Variants in DPP6 observed in about 807,000 individuals in gnomAD.
The protein encoded by DPP6 is A-type potassium channel modulatory protein DPP6.
Under a neutral mutation model 122.6 loss-of-function variants are expected in DPP6, and 69 were observed. That is an observed-to-expected ratio of 0.56 (90% CI 0.46 to 0.69). The LOEUF (loss-of-function observed/expected upper bound fraction) is 0.69, where lower values mean the gene tolerates loss of function less well. Ranked by LOEUF, DPP6 falls within the 30% of genes least tolerant of loss-of-function variation. The pLI, the probability that DPP6 is intolerant of heterozygous loss-of-function variation, is 0.00. For missense variants in DPP6, 928 were observed against 1,116.9 expected (o/e 0.83, Z 2.41); for synonymous variants, 418 against 433.1 (o/e 0.97, Z 0.43).
chr7:154,867,787 C>G (rs1004019049), intron 17 of DPP6, among the ~76,000 whole-genome samples: 1 of 152,154 alleles, frequency 6.6e-6, no homozygotes, highest in African/African-American at 2.4e-5. Flanking sequence ...TTAATCCACC[C>G]AAATTCCAGA....
chr7:154,138,373 A>G (rs1795683922), intron 1 of DPP6, among the ~76,000 whole-genome samples: 1 of 152,208 alleles, frequency 6.6e-6, no homozygotes, highest in South Asian at 2.1e-4. Flanking sequence ...TCTGGGATGA[A>G]GACATTATTT....
chr7:154,884,867 A>G (rs1180351029), intron 21 of DPP6: 1 of 152,356 alleles, frequency 6.6e-6, no homozygotes, highest in Non-Finnish European at 1.5e-5. Context: ...ACACCCATGC[A>G]CATGTTCACA....
chr7:154,829,862 C>T (rs1323016971), intron 16 of DPP6, among the ~76,000 whole-genome samples: 1 of 152,116 alleles, frequency 6.6e-6, no homozygotes, highest in African/African-American at 2.4e-5. Flanking sequence ...AATCTAGGGC[C>T]CTCCACAATT....
At chr7:154,065,595 A>C (rs1222272914) in intron 1 of DPP6, among the ~76,000 whole-genome samples, 1 of 151,856 alleles carries the variant, frequency 6.6e-6, no homozygotes, top group African/African-American at 2.4e-5. Flanking sequence ...TGGCCTTAGT[A>C]CCCCCGCCCC....
At chr7:154,091,752 G>C (rs2150550988) in intron 1 of DPP6, among the ~76,000 whole-genome samples, 1 of 152,190 alleles carries the variant, frequency 6.6e-6, no homozygotes, top group East Asian at 1.9e-4. Flanking sequence ...CGGTGTCACT[G>C]CCTCTGCTGA....
At chr7:153,958,309 A>C (rs1167092470) in intron 1 of DPP6, among the ~76,000 whole-genome samples, 1 of 152,118 alleles carries the variant, frequency 6.6e-6, no homozygotes, top group Non-Finnish European at 1.5e-5. Context: ...TGTCATCTTC[A>C]CAGTATTTTT....
chr7:154,675,555 T>G (rs933054594), intron 7 of DPP6, among the ~76,000 whole-genome samples: 3 of 152,184 alleles, frequency 2.0e-5, no homozygotes, highest in African/African-American at 7.2e-5. Context: ...GGTCCTGCCG[T>G]GCATGTACTT....
At chr7:154,421,315 C>CT (rs35388071) in intron 1 of DPP6, among the ~76,000 whole-genome samples, 6,664 of 140,778 alleles carry the variant, frequency 0.047, 519 homozygotes, top group African/African-American at 0.16. Flanking sequence ...ATGTCAGTTT[C>CT]TTTTTTTTTT....
At chr7:153,818,871 C>T in the DPP6 span, among the ~76,000 whole-genome samples, 4 of 151,836 alleles carry the variant, frequency 2.6e-5, no homozygotes, top group Admixed American at 6.6e-5. Flanking sequence ...CCTGCCTCAG[C>T]CTCCCAAGTA....
intron 1 of DPP6, among the ~76,000 whole-genome samples, chr7:154,410,889 T>C (rs1816539393): frequency 6.6e-6 from 1 of 152,188 alleles, no homozygotes; most frequent in African/African-American, 2.4e-5. Flanking sequence ...CAGTTCTTTA[T>C]AAAGAAAAAA....
chr7:154,054,352 A>G (rs967678065), intron 1 of DPP6, among the ~76,000 whole-genome samples: 1 of 152,094 alleles, frequency 6.6e-6, no homozygotes, highest in African/African-American at 2.4e-5. Context: ...CCCAGGGACA[A>G]TTCCTAATTG....
chr7:153,891,243 C>G (rs776788446), intron 1 of DPP6, among the ~76,000 whole-genome samples: 3 of 149,244 alleles, frequency 2.0e-5, no homozygotes, highest in Middle Eastern at 3.8e-3. Context: ...AGGATGGTCT[C>G]GATCTCTTGA....
chr7:153,876,266 A>G, the DPP6 span, among the ~76,000 whole-genome samples: 1 of 152,100 alleles, frequency 6.6e-6, no homozygotes, highest in South Asian at 2.1e-4. Flanking sequence ...AGGATGTAGT[A>G]GATTTGAAAA....
At chr7:154,782,422 T>G (rs1434111761) in intron 10 of DPP6, among the ~76,000 whole-genome samples, 2 of 152,210 alleles carry the variant, frequency 1.3e-5, no homozygotes, top group Admixed American at 1.3e-4. Context: ...AGCTCCAGCC[T>G]TATGTTAAAA....
At chr7:154,519,835 T>C (rs1826826814) in intron 3 of DPP6, among the ~76,000 whole-genome samples, 1 of 152,214 alleles carries the variant, frequency 6.6e-6, no homozygotes, top group Non-Finnish European at 1.5e-5. Flanking sequence ...GGTGAATGTG[T>C]GGTCAAAAGG....
At chr7:154,367,343 G>C (rs573645127) in intron 1 of DPP6, among the ~76,000 whole-genome samples, 1 of 152,302 alleles carries the variant, frequency 6.6e-6, no homozygotes, top group East Asian at 1.9e-4. Context: ...CATGTTTTGA[G>C]TTAGTGTAAT....
At chr7:154,176,761 G>A (rs574299972) in intron 1 of DPP6, among the ~76,000 whole-genome samples, 10 of 152,362 alleles carry the variant, frequency 6.6e-5, no homozygotes, top group South Asian at 4.1e-4. Flanking sequence ...AGCAGGCAGC[G>A]CGTGCCTGGG....
At chr7:154,706,598 C>T (rs988299462) in intron 7 of DPP6, among the ~76,000 whole-genome samples, 6 of 152,220 alleles carry the variant, frequency 3.9e-5, no homozygotes, top group Non-Finnish European at 5.9e-5. Flanking sequence ...GTGCCCACCT[C>T]TCCATGTCCC....
chr7:154,099,339 C>T (rs951651883), intron 1 of DPP6, among the ~76,000 whole-genome samples: 3 of 151,834 alleles, frequency 2.0e-5, no homozygotes, highest in East Asian at 1.9e-4. Flanking sequence ...CAGCAGTGAG[C>T]AACAAAAAAC....
Sources: allele counts gnomAD v4.1 joint callset (sites outside exome capture counted in the v4.1 genomes callset), GRCh38; gene constraint gnomAD v4.1.1; transcripts MANE v1.5; gene names NCBI Gene and HGNC (gene_info 2026-07-23, HGNC 2026-07-21).